SLC2A9: variants seen among roughly 807,000 people sequenced by gnomAD.
SLC2A9 encodes the protein solute carrier family 2 member 9.
In SLC2A9, 39 loss-of-function variants were observed where a neutral mutation model predicts 50.6. That is an observed-to-expected ratio of 0.77 (90% confidence interval 0.60 to 1.01). SLC2A9 has a LOEUF of 1.01. Among genes scored for constraint, SLC2A9 ranks in the 50% least tolerant of loss-of-function variants. SLC2A9 has a pLI of 0.00. For missense variants in SLC2A9, 686 were observed against 677.6 expected (o/e 1.01, Z -0.14); for synonymous variants, 324 against 276.9 (o/e 1.17, Z -1.69).
intron 1 of SLC2A9, among the ~76,000 whole-genome samples, chr4:10,038,431 CAGG>C (rs532455453): frequency 1.3e-3 from 190 of 142,108 alleles, no homozygotes; most frequent in Admixed American, 2.5e-3. Context: ...CACTTAAACC[CAGG>C]AGATGGAAGT....
intron 4 of SLC2A9, among the ~76,000 whole-genome samples, chr4:9,982,032 C>T (rs1385110093): frequency 6.6e-6 from 1 of 152,190 alleles, no homozygotes; most frequent in Non-Finnish European, 1.5e-5. Context: ...TAGGCATGCG[C>T]CACCACGCCC....
At chr4:9,964,791 T>C (rs1392810068) in intron 5 of SLC2A9, among the ~76,000 whole-genome samples, 1 of 152,130 alleles carries the variant, frequency 6.6e-6, no homozygotes, top group African/African-American at 2.4e-5. Flanking sequence ...TTGCTCAAAT[T>C]CCTATACCAG....
chr4:9,995,416 G>C (rs923128227), intron 3 of SLC2A9, among the ~76,000 whole-genome samples: 16 of 152,306 alleles, frequency 1.1e-4, no homozygotes, highest in African/African-American at 3.8e-4. Context: ...CCATCTTTTA[G>C]AAATCTTGCT....
intron 6 of SLC2A9, among the ~76,000 whole-genome samples, chr4:9,922,458 A>G (rs1441065327): frequency 6.6e-6 from 1 of 152,110 alleles, no homozygotes; most frequent in East Asian, 1.9e-4. Flanking sequence ...CATCCTGCAC[A>G]TGTATCCTGG....
intron 3 of SLC2A9, among the ~76,000 whole-genome samples, chr4:9,992,036 A>C (rs1578224080): frequency 6.6e-6 from 1 of 152,360 alleles, no homozygotes; most frequent in Non-Finnish European, 1.5e-5. Flanking sequence ...TTGAAGTAGA[A>C]AATGATGAAA....
chr4:9,877,420 C>T (rs1734483533), intron 10 of SLC2A9, among the ~76,000 whole-genome samples: 1 of 152,184 alleles, frequency 6.6e-6, no homozygotes, highest in Non-Finnish European at 1.5e-5. Context: ...GCAGACATAT[C>T]TAGGGTTGAG....
At chr4:9,926,098 G>C (rs970974603) in intron 6 of SLC2A9, among the ~76,000 whole-genome samples, 1 of 151,890 alleles carries the variant, frequency 6.6e-6, no homozygotes, top group Non-Finnish European at 1.5e-5. Flanking sequence ...GACCCCTCCA[G>C]GTGTCTGTAC....
intron 5 of SLC2A9, among the ~76,000 whole-genome samples, chr4:9,978,684 T>C (rs1243111147): frequency 6.6e-6 from 1 of 152,246 alleles, no homozygotes; most frequent in Non-Finnish European, 1.5e-5. Flanking sequence ...GTCATGCATA[T>C]GACAACCACA....
chr4:9,774,884 T>C (rs1717339095), downstream of SLC2A9, among the ~76,000 whole-genome samples: 1 of 152,064 alleles, frequency 6.6e-6, no homozygotes, highest in Admixed American at 6.6e-5. Flanking sequence ...ATAAGGAAAA[T>C]GACCACCTGG....
chr4:9,885,095 G>T lies in SLC2A9; in HGVS notation c.1291+2472C>A, dbSNP rs150827525. On this transcript the variant is annotated intron_variant, in intron 10 of 11. Coordinates refer to ENST00000264784, the MANE Select transcript of SLC2A9 (RefSeq NM_020041.3). ...TGGGCTTAATACCTTAATTGCTGTC[G>T]ATAAGTACAGCAAACCACCATGGCA... 2.6e-3 allele frequency among the ~76,000 whole-genome samples: 392 copies of T among 152,142 alleles called. 1 individual carries two copies. The highest frequency in any genetic ancestry group is 8.9e-3 in the African/African-American group (371 of 41,510).
At chr4:10,000,192 C>T (rs755783237) in intron 2 of SLC2A9, among the ~76,000 whole-genome samples, 4 of 152,158 alleles carry the variant, frequency 2.6e-5, no homozygotes, top group Admixed American at 2.0e-4. Flanking sequence ...CTATTTCTAT[C>T]GATGATGAAG....
intron 3 of SLC2A9, among the ~76,000 whole-genome samples, chr4:9,799,700 C>A (rs75879291): frequency 1.7e-4 from 16 of 93,702 alleles, no homozygotes; most frequent in East Asian, 6.6e-4. Context: ...GTACCCCCCC[C>A]CCACCCAACT....
downstream of SLC2A9, among the ~76,000 whole-genome samples, chr4:9,798,084 C>T (rs1012002567): frequency 6.2e-4 from 94 of 152,152 alleles, no homozygotes; most frequent in African/African-American, 2.2e-3. Flanking sequence ...TGTCCCTATC[C>T]CCTCTTTGGT....
intron 2 of SLC2A9, among the ~76,000 whole-genome samples, chr4:10,006,218 T>C (rs1182376839): frequency 6.6e-6 from 1 of 152,170 alleles, no homozygotes; most frequent in Non-Finnish European, 1.5e-5. Flanking sequence ...AAGACTGGCT[T>C]AGAGCATCTC....
intron 10 of SLC2A9, among the ~76,000 whole-genome samples, chr4:9,873,370 C>T (rs577598014): frequency 2.8e-4 from 42 of 152,322 alleles, no homozygotes; most frequent in Non-Finnish European, 3.4e-4. Context: ...GTTACTGCCT[C>T]CAGGCAATTG....
chr4:9,870,707 C>T (rs773561666), intron 10 of SLC2A9, among the ~76,000 whole-genome samples: 3 of 152,168 alleles, frequency 2.0e-5, no homozygotes, highest in East Asian at 1.9e-4. Context: ...CAAGGGAGAA[C>T]GGCTGGAAAA....
chr4:9,931,599 C>T (rs1745936195), intron 6 of SLC2A9, among the ~76,000 whole-genome samples: 1 of 152,096 alleles, frequency 6.6e-6, no homozygotes, highest in African/African-American at 2.4e-5. Context: ...CCAGTGTTCG[C>T]CCAGGTAATA....
At chr4:10,023,759 T>C (rs1353633846), upstream of SLC2A9, among the ~76,000 whole-genome samples, 1 of 148,438 alleles carries the variant, frequency 6.7e-6, no homozygotes, top group Non-Finnish European at 1.5e-5. Flanking sequence ...TTCACCTTCA[T>C]GATATCGTTT....
At chr4:9,982,413 T>C (rs1756037350) in intron 4 of SLC2A9, among the ~76,000 whole-genome samples, 1 of 152,234 alleles carries the variant, frequency 6.6e-6, no homozygotes, top group South Asian at 2.1e-4. Flanking sequence ...TTCTTCTTTC[T>C]TTCCTGCTTC....
Sources: allele counts gnomAD v4.1 joint callset (sites outside exome capture counted in the v4.1 genomes callset), GRCh38; gene constraint gnomAD v4.1.1; transcripts MANE v1.5; gene names NCBI Gene and HGNC (gene_info 2026-07-23, HGNC 2026-07-21).